TRAPPC9: variants seen among roughly 807,000 people sequenced by gnomAD.
TRAPPC9 encodes IKK2 binding protein.
TRAPPC9 carries 83 observed loss-of-function variants against 124.0 expected under a neutral mutation model. The ratio of observed to expected loss-of-function variants is 0.67; its 90% CI spans 0.56 to 0.80. The LOEUF is 0.80. TRAPPC9 is among the 30% of genes least tolerant of loss of function. The probability of loss-of-function intolerance (pLI) is 0.00; values close to 1 mark genes in which losing one functional copy is unlikely to be tolerated. For missense variants in TRAPPC9, 1,302 were observed against 1,508.3 expected (o/e 0.86, Z 2.27); for synonymous variants, 638 against 617.5 (o/e 1.03, Z -0.49).
intron 8 of TRAPPC9, among the ~76,000 whole-genome samples, chr8:140,363,320 C>A (rs1413791338): frequency 2.0e-5 from 3 of 152,168 alleles, no homozygotes; most frequent in African/African-American, 4.8e-5. Flanking sequence ...CCAGCTAGTG[C>A]AAATGTTCAT....
At chr8:139,952,176 C>T (rs886499638) in intron 19 of TRAPPC9, among the ~76,000 whole-genome samples, 12 of 152,162 alleles carry the variant, frequency 7.9e-5, no homozygotes, top group African/African-American at 2.7e-4. Flanking sequence ...TGGCTAAAGC[C>T]CTGATCCACA....
intron 9 of TRAPPC9, among the ~76,000 whole-genome samples, chr8:140,318,685 G>C (rs1177950382): frequency 6.6e-6 from 1 of 152,172 alleles, no homozygotes; most frequent in Non-Finnish European, 1.5e-5. Context: ...TTCCATCCAT[G>C]TTGTCACAAA....
At chr8:140,322,793 G>A (rs985889479) in intron 9 of TRAPPC9, among the ~76,000 whole-genome samples, 1 of 152,100 alleles carries the variant, frequency 6.6e-6, no homozygotes, top group African/African-American at 2.4e-5. Context: ...CTATGATTAC[G>A]GGCCACTGTA....
At chr8:139,959,158 C>A (rs1279338067) in intron 19 of TRAPPC9, among the ~76,000 whole-genome samples, 1 of 152,148 alleles carries the variant, frequency 6.6e-6, no homozygotes, top group Admixed American at 6.5e-5. Context: ...TGACTGGGAG[C>A]AGATCATTTA....
intron 17 of TRAPPC9, among the ~76,000 whole-genome samples, chr8:140,191,265 C>T (rs2062486951): frequency 6.6e-6 from 1 of 152,314 alleles, no homozygotes; most frequent in East Asian, 1.9e-4. Context: ...TTCAAATAAA[C>T]TGAGGCTCAC....
At chr8:140,125,586 T>TG (rs2061078059) in intron 17 of TRAPPC9, among the ~76,000 whole-genome samples, 1 of 140,108 alleles carries the variant, frequency 7.1e-6, no homozygotes, top group East Asian at 2.0e-4. Context: ...CGAATCTCAT[T>TG]CTTTTTTTTT....
chr8:140,439,074 C>G lies in TRAPPC9; in HGVS notation c.708G>C (p.Val236=). The change falls in exon 3 of 23, where the codon GTG becomes GTC. Residue 236 remains valine (V), a synonymous_variant. Transcript: ENST00000438773. ...YHMSVELLRS[V]NDFLWLGAAL... ...TACCTCCAAGCCACAGAAAGTCATTCACAGAACGCAGCAGCTCCACCGACA... is the reference window on the plus strand; with the variant it reads ...TACCTCCAAGCCACAGAAAGTCATTGACAGAACGCAGCAGCTCCACCGACA... 6.2e-7 allele frequency: 1 copy of G among 1,614,192 alleles called. No homozygotes were observed. The highest frequency in any genetic ancestry group is 8.5e-7 in the Non-Finnish European group (1 of 1,180,034).
At chr8:140,444,034 T>C (rs2071145738) in intron 2 of TRAPPC9, among the ~76,000 whole-genome samples, 2 of 43,400 alleles carry the variant, frequency 4.6e-5, no homozygotes, top group Non-Finnish European at 8.0e-5. Flanking sequence ...AGACTCCATC[T>C]CAAAAAAAAA....
intron 19 of TRAPPC9, among the ~76,000 whole-genome samples, chr8:139,971,491 C>T (rs965875033): frequency 6.6e-6 from 1 of 152,170 alleles, no homozygotes; most frequent in Non-Finnish European, 1.5e-5. Flanking sequence ...CCAACACCTG[C>T]ACCCAGGCTG....
At position 140,221,582 on chromosome 8, in the gene TRAPPC9, A is replaced by G. The variant is rs1185805532; in HGVS notation, c.2433T>C (p.Asp811=). The change falls in exon 17 of 23, where the codon GAT becomes GAC. Residue 811 remains aspartate, a splice_region_variant and synonymous_variant. Coordinates refer to ENST00000438773, the MANE Select transcript of TRAPPC9 (RefSeq NM_001160372.4). ...GGGGAAAGCCACTCACACTGATTCC[A>G]TCTACAAAATAAGAACAAAAATCAT... is the stretch of plus-strand genomic sequence containing the variant. ...QENLLQDLSD[D]GISVSGFPLS... The G allele has an allele frequency of 8.7e-6, 14 of 1,613,574 alleles. No homozygotes were observed. Among genetic ancestry groups the G allele is most frequent in the Non-Finnish European group, 1.2e-5 (14 of 1,179,746 alleles).
At chr8:140,450,662 A>C in intron 2 of TRAPPC9, 128 bp downstream of exon 2, 1 of 796,680 alleles carries the variant, frequency 1.3e-6, no homozygotes, top group Non-Finnish European at 2.1e-6. Flanking sequence ...AGATTCTGAC[A>C]GAAAGTCATT....
chr8:140,251,012 G>A (rs920557945), intron 16 of TRAPPC9, among the ~76,000 whole-genome samples: 2 of 152,190 alleles, frequency 1.3e-5, no homozygotes, highest in Non-Finnish European at 2.9e-5. Flanking sequence ...AAAGGCAGAA[G>A]CACAGTCATA....
At chr8:140,059,309 T>C (rs1158595693) in intron 17 of TRAPPC9, among the ~76,000 whole-genome samples, 5 of 152,230 alleles carry the variant, frequency 3.3e-5, no homozygotes, top group African/African-American at 1.2e-4. Flanking sequence ...TTGTTCCTTG[T>C]TGTCAGTAGC....
intron 17 of TRAPPC9, among the ~76,000 whole-genome samples, chr8:140,208,698 C>T (rs1341001361): frequency 6.6e-6 from 1 of 152,250 alleles, no homozygotes; most frequent in Admixed American, 6.5e-5. Context: ...GTAGCAGGCA[C>T]TGGAAGTGCA....
rs2063855006 is a variant in TRAPPC9 at position 140,241,507 on chromosome 8, C to A, written c.2431+11270G>T. 6.6e-6 allele frequency among the ~76,000 whole-genome samples: 1 copy of A among 151,718 alleles called. No homozygotes were observed. The highest frequency in any genetic ancestry group is 1.5e-5 in the Non-Finnish European group (1 of 67,952). Reference sequence around the variant, plus strand: ...GTGAAGGGATCAAGACTATCCTGGCCAACATGGTGAAACCCTGTCTCTACT... The same window carrying A: ...GTGAAGGGATCAAGACTATCCTGGCAAACATGGTGAAACCCTGTCTCTACT... On this transcript the variant is annotated intron_variant, in intron 16 of 22. Coordinates refer to ENST00000438773, the MANE Select transcript of TRAPPC9 (RefSeq NM_001160372.4). This position sits in a 1 kb window ranked among gnomAD's most constrained non-coding sequence, Gnocchi z 5.0.
At chr8:140,129,015 A>T (rs1170728446) in intron 17 of TRAPPC9, among the ~76,000 whole-genome samples, 1 of 132,984 alleles carries the variant, frequency 7.5e-6, no homozygotes, top group Non-Finnish European at 1.7e-5. Context: ...TAAAAAAAAA[A>T]AGAAGACTCC....
intron 19 of TRAPPC9, chr8:139,933,533 G>T (rs1833329563): frequency 6.6e-6 from 1 of 152,368 alleles, no homozygotes; most frequent in African/African-American, 2.4e-5. Flanking sequence ...AGCGTCTTGA[G>T]CCCTCGATCA....
At chr8:139,915,553 A>T (rs1832069353) in intron 19 of TRAPPC9, among the ~76,000 whole-genome samples, 1 of 152,128 alleles carries the variant, frequency 6.6e-6, no homozygotes, top group Admixed American at 6.5e-5. Context: ...GCCTTGTTTC[A>T]ATTTTTAATA....
intron 17 of TRAPPC9, among the ~76,000 whole-genome samples, chr8:140,124,179 T>A (rs892984944): frequency 6.6e-6 from 1 of 152,216 alleles, no homozygotes; most frequent in Non-Finnish European, 1.5e-5. Flanking sequence ...CACAAACTGA[T>A]AATCTCCCAG....
Sources: allele counts gnomAD v4.1 joint callset (sites outside exome capture counted in the v4.1 genomes callset), GRCh38; gene constraint gnomAD v4.1.1; non-coding constraint Gnocchi (gnomAD v3.1); transcripts MANE v1.5; gene names NCBI Gene and HGNC (gene_info 2026-07-23, HGNC 2026-07-21).